MTHFD1L: variants seen among roughly 807,000 people sequenced by gnomAD.
MTHFD1L encodes monofunctional C1-tetrahydrofolate synthase, mitochondrial.
Under a neutral mutation model 119.5 loss-of-function variants are expected in MTHFD1L, and 81 were observed. The ratio of observed to expected loss-of-function variants is 0.68; its 90% confidence interval spans 0.57 to 0.82. The LOEUF (loss-of-function observed/expected upper bound fraction) is 0.82. Ranked by LOEUF, MTHFD1L falls within the 40% of genes least tolerant of loss-of-function variation. The probability of loss-of-function intolerance (pLI) is 0.00; values close to 1 mark genes in which losing one functional copy is unlikely to be tolerated. For synonymous variants in MTHFD1L, 430 were observed against 475.2 expected, an observed-to-expected ratio of 0.90 and a Z score of 1.24; for missense variants, 1,125 against 1,253.4, an observed-to-expected ratio of 0.90 and a Z score of 1.55.
At chr6:151,003,004 G>A (rs1334405554) in intron 20 of MTHFD1L, among the ~76,000 whole-genome samples, 1 of 152,174 alleles carries the variant, frequency 6.6e-6, no homozygotes, top group Non-Finnish European at 1.5e-5. Flanking sequence ...AAGTGTCCAG[G>A]TGGGGAGCGG....
intron 26 of MTHFD1L, chr6:151,041,706 A>G (rs1225674272): frequency 2.1e-6 from 1 of 468,084 alleles, no homozygotes; most frequent in African/African-American, 2.0e-5. Context: ...CAGTAAATAA[A>G]ACCATACAGG....
chr6:150,907,339 C>T (rs1358762659), intron 8 of MTHFD1L, among the ~76,000 whole-genome samples: 2 of 151,850 alleles, frequency 1.3e-5, no homozygotes, highest in African/African-American at 4.8e-5. Flanking sequence ...AAAAGTATTC[C>T]CTGAAATATT....
chr6:150,955,358 G>A (rs1434954081), intron 16 of MTHFD1L, among the ~76,000 whole-genome samples: 1 of 152,006 alleles, frequency 6.6e-6, no homozygotes, highest in Non-Finnish European at 1.5e-5. Context: ...GCCACATTTT[G>A]TTTATCCATT....
chr6:151,016,909 A>C (rs1783161749), intron 24 of MTHFD1L: 1 of 178,244 alleles, frequency 5.6e-6, no homozygotes, highest in Non-Finnish European at 1.2e-5. Context: ...AGTAGCTGGG[A>C]CTACAGGCGC....
intron 6 of MTHFD1L, among the ~76,000 whole-genome samples, chr6:150,887,272 A>G (rs1206244940): frequency 1.3e-5 from 2 of 152,204 alleles, no homozygotes; most frequent in Admixed American, 1.3e-4. Context: ...GAGCCACTTC[A>G]TTAGAAAGTA....
At chr6:151,046,461 ATG>A (rs1252724025) in intron 26 of MTHFD1L, among the ~76,000 whole-genome samples, 1,612 of 71,360 alleles carry the variant, frequency 0.023, 55 homozygotes, top group African/African-American at 0.049. Flanking sequence ...TATATATAAT[ATG>A]TGTGTGTGTA....
chr6:150,943,114 C>G (rs1271950184), intron 13 of MTHFD1L, among the ~76,000 whole-genome samples: 1 of 152,014 alleles, frequency 6.6e-6, no homozygotes, highest in East Asian at 1.9e-4. Flanking sequence ...AACCACATCT[C>G]TACTAAAAAT....
In MTHFD1L at chr6:150,945,455, T is replaced by C; in HGVS notation, c.1549-12T>C. On this transcript the variant is annotated splice_polypyrimidine_tract_variant and intron_variant, in intron 14 of 27. Coordinates refer to ENST00000367321, the MANE Select transcript of MTHFD1L (RefSeq NM_015440.5). Reference sequence around the variant, plus strand: ...ACTTTTGTGTGGTCTCATTTTTGTTTTGTGTTTTTAGGCTCTGTATAATCG... The same window carrying C: ...ACTTTTGTGTGGTCTCATTTTTGTTCTGTGTTTTTAGGCTCTGTATAATCG... The C allele has an allele frequency of 6.2e-7, 1 of 1,607,588 alleles. No homozygotes were observed. Among genetic ancestry groups the C allele is most frequent in the South Asian group, 1.1e-5 (1 of 88,876 alleles).
At chr6:150,988,729 C>T (rs1275699477) in intron 20 of MTHFD1L, among the ~76,000 whole-genome samples, 1 of 152,250 alleles carries the variant, frequency 6.6e-6, no homozygotes, top group Non-Finnish European at 1.5e-5. Context: ...GCCTCAGCCT[C>T]CCAAGTAGCT....
chr6:150,866,734 G>A (rs901100295), intron 1 of MTHFD1L: 4 of 1,064,166 alleles, frequency 3.8e-6, no homozygotes, highest in Non-Finnish European at 4.6e-6. Context: ...TCCCCGCGCA[G>A]CTGGGTTTGC....
At chr6:150,966,402 G>T (rs1175226777) in intron 19 of MTHFD1L, among the ~76,000 whole-genome samples, 1 of 152,086 alleles carries the variant, frequency 6.6e-6, no homozygotes, top group East Asian at 1.9e-4. Flanking sequence ...GAACAGCAAG[G>T]GGGAAATTCA....
intron 6 of MTHFD1L, among the ~76,000 whole-genome samples, chr6:150,886,270 C>CA (rs1018510888): frequency 4.0e-5 from 6 of 151,724 alleles, no homozygotes; most frequent in Non-Finnish European, 8.8e-5. Flanking sequence ...CTTGTCTCTA[C>CA]AAAAAAAATT....
intron 4 of MTHFD1L, among the ~76,000 whole-genome samples, chr6:150,879,010 T>C (rs1314854017): frequency 6.6e-6 from 1 of 152,222 alleles, no homozygotes; most frequent in Admixed American, 6.5e-5. Flanking sequence ...CGTTGTCCCC[T>C]ACTTAGTTGC....
At chr6:150,947,996 T>G (rs1265547317) in intron 15 of MTHFD1L, among the ~76,000 whole-genome samples, 2 of 152,068 alleles carry the variant, frequency 1.3e-5, no homozygotes, top group Non-Finnish European at 2.9e-5. Flanking sequence ...AGTTTTTTTT[T>G]GTTTGTTTTT....
In MTHFD1L at chr6:150,942,181, C is replaced by T. The variant is rs550818692; in HGVS notation, c.1441-2305C>T. 5.1e-3 allele frequency among the ~76,000 whole-genome samples: 781 copies of T among 152,288 alleles called. 10 individuals carry two copies. Among genetic ancestry groups the T allele is most frequent in the African/African-American group, 0.018 (746 of 41,552 alleles). ...GGCGGAGGCAGGAGGATCACTCAAACCTGGGAGGCAGAGGTTGCAGTGAGC... is the reference window on the plus strand; with the variant it reads ...GGCGGAGGCAGGAGGATCACTCAAATCTGGGAGGCAGAGGTTGCAGTGAGC... On this transcript the variant is annotated intron_variant, in intron 13 of 27. Coordinates refer to ENST00000367321, the MANE Select transcript of MTHFD1L (RefSeq NM_015440.5).
intron 20 of MTHFD1L, among the ~76,000 whole-genome samples, chr6:151,003,098 C>G (rs75130806): frequency 0.061 from 9,213 of 152,152 alleles, 521 homozygotes; most frequent in Admixed American, 0.15. Flanking sequence ...TGTGAATGCA[C>G]TAAAGCATGA....
At chr6:150,956,687 TC>T (rs1795694258) in intron 17 of MTHFD1L, among the ~76,000 whole-genome samples, 1 of 152,218 alleles carries the variant, frequency 6.6e-6, no homozygotes, top group Non-Finnish European at 1.5e-5. Flanking sequence ...TGTTTTTTTT[TC>T]TTTTGAATTG....
chr6:150,866,614 C>T (rs1024155724), intron 1 of MTHFD1L: 2 of 1,213,506 alleles, frequency 1.6e-6, no homozygotes, highest in South Asian at 8.4e-5. Context: ...GGCTGACGTC[C>T]GCTTTTCCCG....
At chr6:151,072,119 A>C (rs1792013376) in intron 26 of MTHFD1L, among the ~76,000 whole-genome samples, 1 of 152,048 alleles carries the variant, frequency 6.6e-6, no homozygotes, top group African/African-American at 2.4e-5. Flanking sequence ...GTGAGCCACC[A>C]CGCCCGGCTA....
Sources: gnomAD v4.1 joint callset for allele counts (sites outside exome capture counted in the v4.1 genomes callset) on GRCh38, gnomAD v4.1.1 for gene constraint, MANE v1.5 for transcripts, NCBI Gene and HGNC (gene_info 2026-07-23, HGNC 2026-07-21) for gene names.